MTHFD1L: variants seen among roughly 807,000 people sequenced by gnomAD.
MTHFD1L encodes the protein methylenetetrahydrofolate dehydrogenase (NADP+ dependent) 1 like.
A neutral mutation model predicts 119.5 loss-of-function variants in MTHFD1L; 81 were observed. The observed-to-expected ratio is 0.68, with a 90% CI of 0.57 to 0.82. MTHFD1L has a LOEUF of 0.82. Among genes scored for constraint, MTHFD1L ranks in the 40% least tolerant of loss-of-function variants. MTHFD1L has a pLI of 0.00. For synonymous variants in MTHFD1L, 430 were observed against 475.2 expected (o/e 0.90, Z 1.24); for missense variants, 1,125 against 1,253.4 (o/e 0.90, Z 1.55).
chr6:151,093,168 G>C (rs973163020), intron 27 of MTHFD1L, among the ~76,000 whole-genome samples: 3 of 152,130 alleles, frequency 2.0e-5, no homozygotes, highest in Non-Finnish European at 4.4e-5. Context: ...TGGAATCCTT[G>C]CTGGCCTCTT....
chr6:150,877,583 G>A, intron 2 of MTHFD1L, 51 bp from the exon 3 acceptor site: 2 of 1,583,374 alleles, frequency 1.3e-6, no homozygotes, highest in Middle Eastern at 2.0e-4. Context: ...ATTATCTTTT[G>A]TGCCTTTTCA....
At chr6:150,979,814 A>C (rs115901355) in intron 20 of MTHFD1L, among the ~76,000 whole-genome samples, 1 of 152,148 alleles carries the variant, frequency 6.6e-6, no homozygotes, top group African/African-American at 2.4e-5. Flanking sequence ...GGACAGTTTT[A>C]TAATCAGTCT....
rs149969729 is a variant in MTHFD1L at position 151,062,423 on chromosome 6, G to C, written c.2847+25306G>C. ...ACTGCACTCCAGCCTGGAGAACAGAGACTCCATCTCAAAAAAAAAGACCTT... is the reference window on the plus strand; with the variant it reads ...ACTGCACTCCAGCCTGGAGAACAGACACTCCATCTCAAAAAAAAAGACCTT... On this transcript the variant is annotated intron_variant, in intron 26 of 27. Coordinates refer to ENST00000367321, the MANE Select transcript of MTHFD1L (RefSeq NM_015440.5). Among the ~76,000 whole-genome samples the C allele has an allele frequency of 5.1e-3, 774 of 152,138 alleles. 6 individuals carry two copies. Among genetic ancestry groups the C allele is most frequent in the African/African-American group, 0.017 (695 of 41,496 alleles).
chr6:151,064,206 A>G (rs1790969771), intron 26 of MTHFD1L, among the ~76,000 whole-genome samples: 1 of 152,220 alleles, frequency 6.6e-6, no homozygotes, highest in Non-Finnish European at 1.5e-5. Flanking sequence ...CTCTGATTTC[A>G]CTTATAGAGC....
chr6:151,078,682 C>A (rs2128629778), intron 26 of MTHFD1L, among the ~76,000 whole-genome samples: 1 of 152,212 alleles, frequency 6.6e-6, no homozygotes, highest in South Asian at 2.1e-4. Flanking sequence ...TCTCCTTCGT[C>A]CATTCACAGC....
chr6:150,868,793 TG>T (rs1230632184), intron 1 of MTHFD1L, among the ~76,000 whole-genome samples: 1 of 152,214 alleles, frequency 6.6e-6, no homozygotes, highest in Non-Finnish European at 1.5e-5. Context: ...CCAGGCACCA[TG>T]GTTCATGCCT....
intron 15 of MTHFD1L, among the ~76,000 whole-genome samples, chr6:150,948,637 T>TG (rs569577482): frequency 1.1e-3 from 152 of 135,704 alleles, no homozygotes; most frequent in African/African-American, 1.9e-3. Context: ...TTTAGTGTTT[T>TG]TTTTGTTTTG....
chr6:150,884,828 C>T (rs954021390), intron 5 of MTHFD1L, among the ~76,000 whole-genome samples: 1 of 152,142 alleles, frequency 6.6e-6, no homozygotes, highest in African/African-American at 2.4e-5. Context: ...CACTGCCCCC[C>T]ACCCCGACTT....
At chr6:150,962,652 C>T (rs146284794) in intron 18 of MTHFD1L, among the ~76,000 whole-genome samples, 1 of 152,306 alleles carries the variant, frequency 6.6e-6, no homozygotes, top group Non-Finnish European at 1.5e-5. Context: ...TTGCCCTGCA[C>T]GTGACAGCAC....
chr6:150,873,111 TCGAGA>T (rs1305594001), intron 1 of MTHFD1L, among the ~76,000 whole-genome samples: 1 of 152,050 alleles, frequency 6.6e-6, no homozygotes, highest in African/African-American at 2.4e-5. Context: ...GGTCAAGAGA[TCGAGA>T]CCACCCTGGC....
intron 15 of MTHFD1L, among the ~76,000 whole-genome samples, chr6:150,946,932 G>A (rs187602084): frequency 0.014 from 2,170 of 151,424 alleles, 39 homozygotes; most frequent in African/African-American, 0.049. Context: ...AAAATTAGCC[G>A]GGCGTGGTGG....
intron 4 of MTHFD1L, among the ~76,000 whole-genome samples, chr6:150,879,328 G>A (rs1327625791): frequency 6.6e-6 from 1 of 151,982 alleles, no homozygotes; most frequent in African/African-American, 2.4e-5. Flanking sequence ...GTCTCGCTCT[G>A]TCAGGCTGGA....
chr6:150,934,478 A>G (rs528291439), intron 11 of MTHFD1L, among the ~76,000 whole-genome samples: 1 of 152,350 alleles, frequency 6.6e-6, no homozygotes, highest in African/African-American at 2.4e-5. Context: ...TATTCAGATC[A>G]GCTGGAAGCT....
At chr6:150,897,512 A>C (rs1784434873) in intron 7 of MTHFD1L, among the ~76,000 whole-genome samples, 1 of 152,222 alleles carries the variant, frequency 6.6e-6, no homozygotes, top group Non-Finnish European at 1.5e-5. Flanking sequence ...GGGAAACTTC[A>C]TCTGGAGCTT....
chr6:150,964,412 A>G (rs892348213), intron 18 of MTHFD1L, among the ~76,000 whole-genome samples: 2 of 152,224 alleles, frequency 1.3e-5, no homozygotes, highest in African/African-American at 4.8e-5. Context: ...GAAGAGAGAT[A>G]GCGTGAAGCC....
chr6:151,092,313 T>C (rs1794523183), intron 26 of MTHFD1L, among the ~76,000 whole-genome samples, 154 bp from the exon 27 acceptor site: 1 of 152,148 alleles, frequency 6.6e-6, no homozygotes, highest in Admixed American at 6.5e-5. Flanking sequence ...AAACAAAAAT[T>C]GAAATATCAG....
In MTHFD1L at chr6:150,877,668, A is replaced by G; in HGVS notation, c.347A>G (p.Gln116Arg). 1.2e-6 allele frequency: 2 copies of G among 1,614,250 alleles called. No individual in the cohort carries two copies. The highest frequency in any genetic ancestry group is 2.2e-5 in the South Asian group (2 of 91,086). ...GACAACTTGATGCAGGAAATCAACCAGAATTTGGCTGAGGAGGTGAGGACT... is the reference window on the plus strand; with the variant it reads ...GACAACTTGATGCAGGAAATCAACCGGAATTTGGCTGAGGAGGTGAGGACT... ...GDDNLMQEINQNLAEEAGLNI... is the reference protein window; with the variant it reads ...GDDNLMQEINRNLAEEAGLNI... The change falls in exon 3 of 28, where the codon CAG becomes CGG. Residue 116 changes from glutamine to arginine, a missense_variant. Transcript: ENST00000367321.
At position 151,009,900 on chromosome 6, in the gene MTHFD1L, A is replaced by C. The variant is rs202154575; in HGVS notation, c.2207A>C (p.Asn736Thr). The C allele has an allele frequency of 1.9e-6, 3 of 1,613,586 alleles. No individual in the cohort carries two copies. Among genetic ancestry groups the C allele is most frequent in the Non-Finnish European group, 1.7e-6 (2 of 1,179,884 alleles). ...IKCRASGLVP[N>T]VVVLVATVRA... ...TGCCGAGCTTCCGGCTTGGTGCCCA[A>C]CGTGGTTGTGTTAGTGGCAACGGTG... The change falls in exon 21 of 28, where the codon AAC becomes ACC. Residue 736 changes from asparagine to threonine, a missense_variant. By Grantham distance (65) the Asn-to-Thr change is moderately conservative. Coordinates refer to ENST00000367321, the MANE Select transcript of MTHFD1L (RefSeq NM_015440.5).
intron 27 of MTHFD1L, among the ~76,000 whole-genome samples, chr6:151,093,768 G>A (rs568668996): frequency 2.0e-5 from 3 of 152,200 alleles, no homozygotes; most frequent in East Asian, 3.9e-4. Context: ...AGGTGTGTTC[G>A]GCTCTCTTGT....
Sources: allele counts gnomAD v4.1 joint callset (sites outside exome capture counted in the v4.1 genomes callset), GRCh38; gene constraint gnomAD v4.1.1; transcripts MANE v1.5; gene names NCBI Gene and HGNC (gene_info 2026-07-23, HGNC 2026-07-21).